The following ARFIP1 variants were observed in gnomAD, a reference collection of about 807,000 sequenced individuals.
ARFIP1 encodes the protein arfaptin-1.
ARFIP1 carries 24 observed loss-of-function variants against 42.5 expected under a neutral mutation model. That is an observed-to-expected ratio of 0.57 (90% confidence interval 0.41 to 0.80). The LOEUF (loss-of-function observed/expected upper bound fraction) is 0.80, where lower values mean the gene tolerates loss of function less well. ARFIP1 is among the 30% of genes least tolerant of loss of function. The pLI is 0.00. For synonymous variants in ARFIP1, 141 were observed against 153.7 expected (o/e 0.92, Z 0.61); for missense variants, 354 against 434.0 (o/e 0.82, Z 1.64).
At chr4:152,798,316 T>G (rs752015940) in intron 1 of ARFIP1, among the ~76,000 whole-genome samples, 9 of 152,230 alleles carry the variant, frequency 5.9e-5, no homozygotes, top group Admixed American at 3.9e-4. Flanking sequence ...TTTCCTGATC[T>G]TAGTGGAAAT....
chr4:152,797,467 A>C (rs1731538258), intron 1 of ARFIP1, among the ~76,000 whole-genome samples: 1 of 152,210 alleles, frequency 6.6e-6, no homozygotes, highest in African/African-American at 2.4e-5. Flanking sequence ...CACAACTTGA[A>C]TATCAACTTG....
chr4:152,816,437 C>G (rs1429184532), intron 1 of ARFIP1, among the ~76,000 whole-genome samples: 1 of 152,218 alleles, frequency 6.6e-6, no homozygotes, highest in African/African-American at 2.4e-5. Flanking sequence ...GATACTTGTA[C>G]TTACTGTTCT....
At chr4:152,833,789 T>TA (rs1413660341) in intron 2 of ARFIP1, among the ~76,000 whole-genome samples, 2 of 152,136 alleles carry the variant, frequency 1.3e-5, no homozygotes, top group Non-Finnish European at 2.9e-5. Context: ...GGAAGACAAA[T>TA]ACGGCATGAT....
intron 4 of ARFIP1, 68 bp from the exon 5 acceptor site, chr4:152,872,384 C>T: frequency 9.8e-7 from 1 of 1,015,260 alleles, no homozygotes; most frequent in Non-Finnish European, 1.5e-6. Context: ...TGAACAATAT[C>T]AGGGTTTTGT....
intron 1 of ARFIP1, among the ~76,000 whole-genome samples, chr4:152,799,053 C>T (rs1415661535): frequency 6.6e-6 from 1 of 152,150 alleles, no homozygotes; most frequent in East Asian, 1.9e-4. Flanking sequence ...ACAGTTTTTT[C>T]ATTTGTCAAA....
At chr4:152,842,364 A>C (rs530344783) in intron 2 of ARFIP1, among the ~76,000 whole-genome samples, 46 of 150,388 alleles carry the variant, frequency 3.1e-4, no homozygotes, top group South Asian at 1.0e-3. Context: ...TCTTCATCTT[A>C]ACTTTGGATA....
At chr4:152,796,512 C>T (rs1472968213) in intron 1 of ARFIP1, 5 of 747,992 alleles carry the variant, frequency 6.7e-6, no homozygotes, top group African/African-American at 1.8e-5. Flanking sequence ...ATTCTCTTTT[C>T]GTTTCTGTTT....
chr4:152,844,571 C>T (rs950404397), intron 2 of ARFIP1, among the ~76,000 whole-genome samples: 2 of 151,766 alleles, frequency 1.3e-5, no homozygotes, highest in Non-Finnish European at 2.9e-5. Context: ...TCTTGGTGGT[C>T]TCTCCTTATT....
intron 2 of ARFIP1, among the ~76,000 whole-genome samples, chr4:152,849,958 A>G (rs970763401): frequency 1.3e-5 from 2 of 150,646 alleles, no homozygotes; most frequent in Non-Finnish European, 3.0e-5. Flanking sequence ...ATTGGGTTAT[A>G]CTAAGTCTAA....
At chr4:152,872,966 A>G (rs1328748597) in intron 5 of ARFIP1, among the ~76,000 whole-genome samples, 1 of 152,246 alleles carries the variant, frequency 6.6e-6, no homozygotes, top group Non-Finnish European at 1.5e-5. Flanking sequence ...ATAATAACTA[A>G]GCATTAACTA....
At chr4:152,787,434 A>G (rs1160049438) in intron 1 of ARFIP1, among the ~76,000 whole-genome samples, 1 of 152,206 alleles carries the variant, frequency 6.6e-6, no homozygotes, top group Admixed American at 6.5e-5. Flanking sequence ...GAGAAAAAAG[A>G]CCTGCCTAGC....
chr4:152,848,236 A>G (rs1732717512), intron 2 of ARFIP1, among the ~76,000 whole-genome samples: 2 of 152,204 alleles, frequency 1.3e-5, no homozygotes, highest in South Asian at 4.1e-4. Context: ...TGAGTGCAAG[A>G]GCGCTCTCTT....
At chr4:152,892,496 A>C (rs1201626217) in intron 8 of ARFIP1, among the ~76,000 whole-genome samples, 3 of 152,204 alleles carry the variant, frequency 2.0e-5, no homozygotes, top group Non-Finnish European at 4.4e-5. Context: ...CCGTGTGACT[A>C]TAGTAATAAG....
At chr4:152,808,086 T>G (rs1237853132) in intron 1 of ARFIP1, among the ~76,000 whole-genome samples, 1 of 152,116 alleles carries the variant, frequency 6.6e-6, no homozygotes. Flanking sequence ...GTTCAAGTGA[T>G]TCTCCTGCCT....
chr4:152,892,107 A>G (rs530564574), intron 8 of ARFIP1, among the ~76,000 whole-genome samples: 35 of 151,972 alleles, frequency 2.3e-4, no homozygotes, highest in Non-Finnish European at 1.6e-4. Context: ...GGCTCTCACT[A>G]TGTGGCCCAG....
At chr4:152,907,405 CA>C (rs1271553057) in intron 8 of ARFIP1, among the ~76,000 whole-genome samples, 1 of 151,908 alleles carries the variant, frequency 6.6e-6, no homozygotes, top group Non-Finnish European at 1.5e-5. Flanking sequence ...ACAAAAATAA[CA>C]AAAAAAGCAG....
At chr4:152,803,553 A>G (rs1728587684) in intron 1 of ARFIP1, among the ~76,000 whole-genome samples, 1 of 152,166 alleles carries the variant, frequency 6.6e-6, no homozygotes, top group African/African-American at 2.4e-5. Context: ...TGGTGTCAAA[A>G]TCCACCCCCA....
chr4:152,785,600 G>T (rs1730755200), intron 1 of ARFIP1, among the ~76,000 whole-genome samples: 1 of 152,202 alleles, frequency 6.6e-6, no homozygotes, highest in African/African-American at 2.4e-5. Flanking sequence ...ACTGCATCCA[G>T]CATAAGTATT....
intron 1 of ARFIP1, among the ~76,000 whole-genome samples, 153 bp downstream of exon 1, chr4:152,780,379 C>T (rs1334381815): frequency 2.0e-5 from 3 of 152,200 alleles, no homozygotes; most frequent in Non-Finnish European, 4.4e-5. Flanking sequence ...AAGTGTTATG[C>T]CTTTGGTTTC....
Sources: gnomAD v4.1 joint callset for allele counts (sites outside exome capture counted in the v4.1 genomes callset) on GRCh38, gnomAD v4.1.1 for gene constraint, MANE v1.5 for transcripts, NCBI Gene and HGNC (gene_info 2026-07-23, HGNC 2026-07-21) for gene names.